SLC4A8: variants seen among roughly 807,000 people sequenced by gnomAD.
SLC4A8 encodes electroneutral sodium bicarbonate exchanger 1.
In SLC4A8, 40 loss-of-function variants were observed where a neutral mutation model predicts 125.0. The observed-to-expected ratio is 0.32, with a 90% CI of 0.25 to 0.42. SLC4A8 has a LOEUF of 0.42. Ranked by LOEUF, SLC4A8 falls within the 10% of genes least tolerant of loss-of-function variation. The pLI, the probability that SLC4A8 is intolerant of heterozygous loss-of-function variation, is 1.00. For synonymous variants in SLC4A8, 456 were observed against 476.0 expected (o/e 0.96, Z 0.55); for missense variants, 863 against 1,355.1 (o/e 0.64, Z 5.70).
At chr12:51,427,657 A>G (rs1011843837) in intron 1 of SLC4A8, among the ~76,000 whole-genome samples, 3 of 152,184 alleles carry the variant, frequency 2.0e-5, no homozygotes, top group Admixed American at 1.3e-4. Flanking sequence ...TAAACCTTCT[A>G]TGTGCTAACT....
chr12:51,424,074 A>AAC (rs1353435652), upstream of SLC4A8, among the ~76,000 whole-genome samples: 3 of 130,780 alleles, frequency 2.3e-5, no homozygotes, highest in Non-Finnish European at 5.2e-5. Flanking sequence ...AACAAAAAAA[A>AAC]AACAAAAAAA....
intron 8 of SLC4A8, 36 bp downstream of exon 8, chr12:51,460,144 A>C (rs1209850714): frequency 6.4e-7 from 1 of 1,569,580 alleles, no homozygotes; most frequent in South Asian, 1.1e-5. Context: ...ATTCTATCCA[A>C]AATTCAAATT....
intron 1 of SLC4A8, among the ~76,000 whole-genome samples, chr12:51,431,577 T>A (rs1949185616): frequency 6.6e-6 from 1 of 152,094 alleles, no homozygotes. Context: ...AGAGGAAGTC[T>A]GGAACAGCTG....
rs1161515727 is a variant in SLC4A8, at chr12:51,482,052, C to T, written c.2173-3735C>T. On this transcript the variant is annotated intron_variant, in intron 16 of 24. Transcript: ENST00000453097. ...CAGAGATTTCCCACTCAGTAAATCACTCTGAAAGAGTTTGCATAAGATTCT... is the reference window on the plus strand; with the variant it reads ...CAGAGATTTCCCACTCAGTAAATCATTCTGAAAGAGTTTGCATAAGATTCT... Among the ~76,000 whole-genome samples the T allele has an allele frequency of 4.6e-5, 7 of 152,170 alleles. 1 individual carries two copies. Among genetic ancestry groups the T allele is most frequent in the East Asian group, 3.9e-4 (2 of 5,192 alleles).
chr12:51,478,461 A>G (rs1185206093), intron 16 of SLC4A8, among the ~76,000 whole-genome samples: 1 of 152,130 alleles, frequency 6.6e-6, no homozygotes. Flanking sequence ...TTACAGACGC[A>G]AAGAAACTTT....
Position 51,444,683 on chromosome 12 carries a change from T to A in SLC4A8, c.130+3894T>A, listed in dbSNP as rs1013948276. On this transcript the variant is annotated intron_variant, in intron 2 of 24. Coordinates refer to ENST00000453097, the MANE Select transcript of SLC4A8 (RefSeq NM_001039960.3). ...CAGTGAGAACAATTGAACCATCGTG[T>A]CTTTTCTGAAGAATAACCTAGCCTG... Among the ~76,000 whole-genome samples, 3 of 152,162 alleles carry A rather than the reference T, an allele frequency of 2.0e-5. No individual in the cohort carries two copies. In the East Asian group the frequency reaches 5.8e-4, roughly 29 times the overall value.
In SLC4A8 at chr12:51,475,006, G is replaced by A. The variant is rs765497161; in HGVS notation, c.2011-39G>A. 3.8e-5 allele frequency: 60 copies of A among 1,587,924 alleles called. 1 individual carries two copies. In the East Asian group the frequency reaches 1.0e-3, roughly 27 times the overall value. On this transcript the variant is annotated intron_variant, in intron 15 of 24. Transcript: ENST00000453097. ...GTAGGAAACAGCTATTTATTTGGTT[G>A]TGTCTGCCTTTCATCACCCAGAATG... is the stretch of plus-strand genomic sequence containing the variant.
intron 1 of SLC4A8, among the ~76,000 whole-genome samples, chr12:51,439,650 G>T (rs2138120217): frequency 6.6e-6 from 1 of 152,236 alleles, no homozygotes; most frequent in East Asian, 1.9e-4. Context: ...TGATTTAAAG[G>T]GTTGGAGCAT....
chr12:51,398,014 TC>T (rs1415998664), intron 1 of SLC4A8, among the ~76,000 whole-genome samples: 1 of 152,098 alleles, frequency 6.6e-6, no homozygotes, highest in Admixed American at 6.5e-5. Context: ...GCTCAAGTGA[TC>T]CACCCACCTC....
chr12:51,493,394 G>A (rs1951371825), intron 19 of SLC4A8, among the ~76,000 whole-genome samples: 1 of 152,046 alleles, frequency 6.6e-6, no homozygotes, highest in South Asian at 2.1e-4. Context: ...TTGTGTGTGT[G>A]TGTGTGTGTG....
intron 2 of SLC4A8, among the ~76,000 whole-genome samples, chr12:51,449,461 C>T (rs979179743): frequency 6.6e-6 from 1 of 151,182 alleles, no homozygotes; most frequent in Non-Finnish European, 1.5e-5. Flanking sequence ...GATGCAAAGT[C>T]ACCTGCTCTC....
intron 24 of SLC4A8, 98 bp from the exon 25 acceptor site, chr12:51,507,328 G>A: frequency 1.3e-6 from 1 of 762,596 alleles, no homozygotes; most frequent in Non-Finnish European, 1.9e-6. Flanking sequence ...TTAAAATATA[G>A]CCAGATCCAA....
chr12:51,440,226 T>C (rs952242990), intron 1 of SLC4A8, among the ~76,000 whole-genome samples: 4 of 152,046 alleles, frequency 2.6e-5, no homozygotes, highest in African/African-American at 9.7e-5. Context: ...GAGGTATAGA[T>C]GGAGTGGGGA....
chr12:51,399,897 G>A (rs1393173764), intron 1 of SLC4A8, among the ~76,000 whole-genome samples: 1 of 151,932 alleles, frequency 6.6e-6, no homozygotes, highest in Non-Finnish European at 1.5e-5. Context: ...CAGGGGAATC[G>A]CTTGAACCTG....
intron 14 of SLC4A8, among the ~76,000 whole-genome samples, chr12:51,473,706 G>GTGGTC (rs1231687216): frequency 6.6e-6 from 1 of 152,220 alleles, no homozygotes; most frequent in Non-Finnish European, 1.5e-5. Flanking sequence ...TGGCACAGGT[G>GTGGTC]TGGTCTGGTC....
chr12:51,403,768 A>G (rs1948439364), intron 1 of SLC4A8, among the ~76,000 whole-genome samples: 1 of 152,272 alleles, frequency 6.6e-6, no homozygotes, highest in African/African-American at 2.4e-5. Flanking sequence ...ACCCAGGTCT[A>G]AAGTCTAAGC....
rs1428890529 is a variant in SLC4A8 at position 51,485,851 on chromosome 12, T to G, written c.2237T>G (p.Phe746Cys). 6.2e-7 allele frequency: 1 copy of G among 1,613,798 alleles called. No individual in the cohort carries two copies. The stretch of plus-strand genomic sequence containing the variant: ...ATCTTCACAATGGTGATTATTGATT[T>G]TTTGATTGGAGTCCCATCACCAAAG... ...LTIFTMVIIDFLIGVPSPKLQ... is the reference protein window; with the variant it reads ...LTIFTMVIIDCLIGVPSPKLQ... Residue 746 changes from phenylalanine (F) to cysteine (C), a missense_variant, in exon 17 of 25, where the codon TTT becomes TGT. Physicochemically the swap from Phe to Cys is radical, Grantham distance 205 (BLOSUM62 -2). Around this residue, in one of 6 missense-constraint regions of SLC4A8, gnomAD observed 197 missense variants for 377.7 expected, o/e 0.52. Coordinates refer to ENST00000453097, the MANE Select transcript of SLC4A8 (RefSeq NM_001039960.3).
At chr12:51,481,156 T>C (rs975050770) in intron 16 of SLC4A8, among the ~76,000 whole-genome samples, 31 of 152,222 alleles carry the variant, frequency 2.0e-4, no homozygotes, top group African/African-American at 6.5e-4. Flanking sequence ...TTTAGAGATT[T>C]AGATGTTATA....
chr12:51,425,305 G>A, intron 1 of SLC4A8: 1 of 1,285,058 alleles, frequency 7.8e-7, no homozygotes, highest in Non-Finnish European at 9.8e-7. Context: ...ACAGCCGGCG[G>A]GCGGCGACCT....
Sources: allele counts gnomAD v4.1 joint callset (sites outside exome capture counted in the v4.1 genomes callset), GRCh38; gene constraint gnomAD v4.1.1; regional missense constraint gnomAD v4.1.1; transcripts MANE v1.5; gene names NCBI Gene and HGNC (gene_info 2026-07-23, HGNC 2026-07-21).